The following EFCAB6 variants were observed in gnomAD, a reference collection of about 807,000 sequenced individuals.
EFCAB6 encodes EF-hand calcium-binding domain-containing protein 6.
Under a neutral mutation model 169.8 loss-of-function variants are expected in EFCAB6, and 156 were observed. The observed-to-expected ratio is 0.92, with a 90% confidence interval of 0.81 to 1.05. The LOEUF (loss-of-function observed/expected upper bound fraction) is 1.05. EFCAB6 is among the 50% of genes least tolerant of loss of function. The probability of loss-of-function intolerance (pLI) is 0.00; values close to 1 mark genes in which losing one functional copy is unlikely to be tolerated. For synonymous variants in EFCAB6, 698 were observed against 676.4 expected, an observed-to-expected ratio of 1.03 and a Z score of -0.50; for missense variants, 1,800 against 1,829.1, an observed-to-expected ratio of 0.98 and a Z score of 0.29.
intron 12 of EFCAB6, among the ~76,000 whole-genome samples, chr22:43,682,635 T>A (rs1254517212): frequency 6.6e-6 from 1 of 152,098 alleles, no homozygotes; most frequent in Non-Finnish European, 1.5e-5. Context: ...AAAACCACTA[T>A]CTGGGTAGCC....
intron 2 of EFCAB6, among the ~76,000 whole-genome samples, chr22:43,784,919 A>G (rs901444621): frequency 6.6e-6 from 1 of 151,836 alleles, no homozygotes; most frequent in Non-Finnish European, 1.5e-5. Flanking sequence ...AGAAAATGAA[A>G]GAAAGATATA....
intron 10 of EFCAB6, among the ~76,000 whole-genome samples, chr22:43,696,342 T>C (rs1353891036): frequency 6.6e-6 from 1 of 152,172 alleles, no homozygotes; most frequent in Non-Finnish European, 1.5e-5. Context: ...TGTTACATAC[T>C]GCTGGTGGAA....
chr22:43,667,379 C>T, intron 16 of EFCAB6, 107 bp from the exon 17 acceptor site: 2 of 1,373,406 alleles, frequency 1.5e-6, no homozygotes, highest in Admixed American at 4.4e-5. Context: ...AGAAGGTTTC[C>T]CATCCTCGGT....
At chr22:43,796,901 A>G (rs1271047124) in intron 2 of EFCAB6, among the ~76,000 whole-genome samples, 1 of 152,202 alleles carries the variant, frequency 6.6e-6, no homozygotes, top group Non-Finnish European at 1.5e-5. Flanking sequence ...GCTGTCTCGC[A>G]GTGACGTGGA....
chr22:43,627,293 G>A (rs4823125), intron 19 of EFCAB6, among the ~76,000 whole-genome samples: 34,510 of 152,050 alleles, frequency 0.23, 5,028 homozygotes, highest in East Asian at 0.58. Context: ...CAGGGAATCC[G>A]TGACTAGAGA....
At chr22:43,679,566 C>T (rs964025120) in intron 12 of EFCAB6, among the ~76,000 whole-genome samples, 1 of 152,194 alleles carries the variant, frequency 6.6e-6, no homozygotes, top group African/African-American at 2.4e-5. Flanking sequence ...ATGCTGTTTT[C>T]CACAGTGGCT....
intron 22 of EFCAB6, among the ~76,000 whole-genome samples, chr22:43,606,983 T>C (rs1409648763): frequency 1.3e-5 from 2 of 152,106 alleles, no homozygotes; most frequent in Non-Finnish European, 2.9e-5. Flanking sequence ...CCCCCGGTGA[T>C]GGTGGTGGTC....
At chr22:43,716,731 G>A in intron 9 of EFCAB6, 117 bp downstream of exon 9, 1 of 1,285,964 alleles carries the variant, frequency 7.8e-7, no homozygotes, top group Non-Finnish European at 1.0e-6. Flanking sequence ...TATTGGAGAA[G>A]ACATAGGTAG....
chr22:43,747,819 G>C (rs1404383389), intron 6 of EFCAB6, among the ~76,000 whole-genome samples: 1 of 152,136 alleles, frequency 6.6e-6, no homozygotes, highest in Non-Finnish European at 1.5e-5. Flanking sequence ...GTAGCCAATA[G>C]GGGTGACTTT....
At chr22:43,571,959 G>A (rs562903682) in intron 26 of EFCAB6, among the ~76,000 whole-genome samples, 1 of 152,288 alleles carries the variant, frequency 6.6e-6, no homozygotes, top group Admixed American at 6.5e-5. Flanking sequence ...TCAGGTGTTA[G>A]CTTCTCGGCC....
At chr22:43,717,505 T>C (rs755382029) in intron 8 of EFCAB6, among the ~76,000 whole-genome samples, 1 of 152,004 alleles carries the variant, frequency 6.6e-6, no homozygotes, top group Non-Finnish European at 1.5e-5. Flanking sequence ...AAAATAAATA[T>C]AAACATCCAA....
In EFCAB6 at chr22:43,687,439, T is replaced by C. The variant is rs757874555; in HGVS notation, c.1142+32A>G. Reference sequence around the variant, plus strand: ...TTTTACATATTATGATATGTGTAACTAAAATTTGTTTTTTTTTTTTTTTTT... The same window carrying C: ...TTTTACATATTATGATATGTGTAACCAAAATTTGTTTTTTTTTTTTTTTTT... On this transcript the variant is annotated intron_variant, in intron 11 of 31. Transcript: ENST00000262726. 1.7e-5 allele frequency: 21 copies of C among 1,253,610 alleles called. No individual in the cohort carries two copies. In the East Asian group the frequency reaches 5.2e-4, roughly 31 times the overall value. The allele number at this position is 1,253,610 out of a possible 1,614,324, so 77.7% of individuals were successfully genotyped here.
At chr22:43,638,849 G>A (rs939884516) in intron 17 of EFCAB6, among the ~76,000 whole-genome samples, 5 of 148,880 alleles carry the variant, frequency 3.4e-5, no homozygotes, top group African/African-American at 1.0e-4. Context: ...GCAATGGTGC[G>A]ATCTCGGCTC....
In EFCAB6 at chr22:43,615,898, T is replaced by C; in HGVS notation, c.2490A>G (p.Ser830=). 1 of 1,613,586 alleles carries C rather than the reference T, an allele frequency of 6.2e-7. No individual in the cohort carries two copies. The change falls in exon 21 of 32, where the codon TCA becomes TCG. Residue 830 remains serine (S), a synonymous_variant. Transcript: ENST00000262726. ...GATGAGCCTGCTCACAAGCTAGTTCTGAATCCGCAACCTTCTGTTTTGGTC... is the reference window on the plus strand; with the variant it reads ...GATGAGCCTGCTCACAAGCTAGTTCCGAATCCGCAACCTTCTGTTTTGGTC... The part of the protein sequence containing the change: ...LIRPKQKVAD[S]ELACEQAHQY...
At chr22:43,800,828 T>TAAATTTCCTCAA (rs1171254432) in intron 2 of EFCAB6, among the ~76,000 whole-genome samples, 1 of 152,070 alleles carries the variant, frequency 6.6e-6, no homozygotes, top group Non-Finnish European at 1.5e-5. Context: ...AGATCACCTA[T>TAAATTTCCTCAA]AAGATATAGA....
intron 17 of EFCAB6, among the ~76,000 whole-genome samples, chr22:43,666,772 G>A (rs868777581): frequency 6.8e-6 from 1 of 147,170 alleles, no homozygotes. Flanking sequence ...TGGCAGGCAG[G>A]GGCCGAGTGG....
chr22:43,698,670 T>C (rs1325264578), intron 10 of EFCAB6, among the ~76,000 whole-genome samples: 1 of 152,174 alleles, frequency 6.6e-6, no homozygotes, highest in Non-Finnish European at 1.5e-5. Context: ...TGCTTCAGGA[T>C]GCATTATATG....
chr22:43,600,314 T>G, intron 22 of EFCAB6, 51 bp from the exon 23 acceptor site: 1 of 1,581,764 alleles, frequency 6.3e-7, no homozygotes, highest in South Asian at 1.1e-5. Context: ...CAGTAAGGTG[T>G]GCTGATGCTC....
rs1161355460 is a variant in EFCAB6 at position 43,547,873 on chromosome 22, C to T, written c.3648+6996G>A. Among the ~76,000 whole-genome samples the T allele has an allele frequency of 2.0e-5, 3 of 152,036 alleles. No individual in the cohort carries two copies. In the East Asian group the frequency reaches 5.8e-4, roughly 29 times the overall value. ...TTGGGAGGCCGAGGCGGGTAGATCACGAGGTCAGGAGACTGAGACCATCCT... is the reference window on the plus strand; with the variant it reads ...TTGGGAGGCCGAGGCGGGTAGATCATGAGGTCAGGAGACTGAGACCATCCT... On this transcript the variant is annotated intron_variant, in intron 27 of 31. Coordinates refer to ENST00000262726, the MANE Select transcript of EFCAB6 (RefSeq NM_022785.4).
Sources: gnomAD v4.1 joint callset for allele counts (sites outside exome capture counted in the v4.1 genomes callset) on GRCh38, gnomAD v4.1.1 for gene constraint, MANE v1.5 for transcripts, NCBI Gene and HGNC (gene_info 2026-07-23, HGNC 2026-07-21) for gene names.